EMCN: variants seen among roughly 807,000 people sequenced by gnomAD.
EMCN encodes MUC-14.
A neutral mutation model predicts 38.4 loss-of-function variants in EMCN; 37 were observed. That is an observed-to-expected ratio of 0.96 (90% CI 0.74 to 1.27). The LOEUF is 1.27. Among genes scored for constraint, EMCN ranks in the 50% most tolerant of loss-of-function variants. The probability of loss-of-function intolerance (pLI) is 0.00; values close to 1 mark genes in which losing one functional copy is unlikely to be tolerated. For synonymous variants in EMCN, 95 were observed against 100.8 expected, an observed-to-expected ratio of 0.94 and a Z score of 0.35; for missense variants, 318 against 302.8, an observed-to-expected ratio of 1.05 and a Z score of -0.37.
intron 5 of EMCN, among the ~76,000 whole-genome samples, chr4:100,444,080 G>T (rs1364484314): frequency 6.6e-6 from 1 of 152,188 alleles, no homozygotes; most frequent in Non-Finnish European, 1.5e-5. Context: ...CTGTAGCTTG[G>T]ACCTTGGTGG....
intron 4 of EMCN, among the ~76,000 whole-genome samples, chr4:100,463,195 G>C (rs1392980633): frequency 6.6e-6 from 1 of 152,100 alleles, no homozygotes; most frequent in African/African-American, 2.4e-5. Flanking sequence ...GCTTCTACTT[G>C]TCTCTCTGCC....
intron 4 of EMCN, among the ~76,000 whole-genome samples, chr4:100,460,140 T>C (rs548872350): frequency 2.6e-5 from 4 of 152,334 alleles, no homozygotes; most frequent in Non-Finnish European, 4.4e-5. Context: ...AGGTGATAAC[T>C]CATAGTGGTT....
At chr4:100,427,774 G>A (rs149857218) in intron 5 of EMCN, among the ~76,000 whole-genome samples, 2 of 152,016 alleles carry the variant, frequency 1.3e-5, no homozygotes, top group Non-Finnish European at 2.9e-5. Flanking sequence ...TTATAAATCC[G>A]GATACTTACT....
At chr4:100,501,136 G>T (rs1729340373) in intron 1 of EMCN, among the ~76,000 whole-genome samples, 1 of 152,062 alleles carries the variant, frequency 6.6e-6, no homozygotes, top group Middle Eastern at 3.4e-3. Context: ...CTGAAATAAG[G>T]TTATAAAGCT....
chr4:100,434,732 A>G (rs764024980), intron 5 of EMCN, among the ~76,000 whole-genome samples: 1 of 152,228 alleles, frequency 6.6e-6, no homozygotes, highest in Non-Finnish European at 1.5e-5. Context: ...TAAGCAAATC[A>G]ATAAATGTAA....
chr4:100,423,116 A>G (rs181461181), intron 6 of EMCN, 36 bp from the exon 7 acceptor site: 1 of 1,598,320 alleles, frequency 6.3e-7, no homozygotes, highest in East Asian at 2.2e-5. Flanking sequence ...CTTTTGGTTA[A>G]TGTGTGCCAA....
intron 11 of EMCN, among the ~76,000 whole-genome samples, chr4:100,404,017 A>T (rs1170027845): frequency 2.0e-5 from 3 of 151,806 alleles, no homozygotes; most frequent in Non-Finnish European, 2.9e-5. Context: ...CCATTTTGTA[A>T]GTCGTCTGTT....
chr4:100,400,042 A>G (rs888394089), intron 11 of EMCN, among the ~76,000 whole-genome samples: 1 of 152,072 alleles, frequency 6.6e-6, no homozygotes, highest in Non-Finnish European at 1.5e-5. Context: ...TTCATGATTT[A>G]TCTTGGGAAA....
intron 11 of EMCN, among the ~76,000 whole-genome samples, chr4:100,403,139 A>G (rs1389042511): frequency 6.6e-6 from 1 of 152,040 alleles, no homozygotes; most frequent in Non-Finnish European, 1.5e-5. Flanking sequence ...TGGGCATTGC[A>G]CGTCATAGGG....
intron 1 of EMCN, among the ~76,000 whole-genome samples, chr4:100,500,408 T>A (rs1468002358): frequency 6.6e-6 from 1 of 152,056 alleles, no homozygotes; most frequent in Non-Finnish European, 1.5e-5. Flanking sequence ...ACATAATGAA[T>A]AAATCTTAGC....
In EMCN at chr4:100,397,719, A is replaced by C. The variant is rs1351006053; in HGVS notation, c.*694T>G. ...CGTATGTCCCTTTCTGACTTATTACAAATGCCTTTCATTAGTGAGTTCATG... is the reference window on the plus strand; with the variant it reads ...CGTATGTCCCTTTCTGACTTATTACCAATGCCTTTCATTAGTGAGTTCATG... On this transcript the variant is annotated 3_prime_UTR_variant, in exon 12 of 12. Transcript: ENST00000296420. The C allele has an allele frequency of 2.0e-5, 3 of 152,142 alleles. No individual in the cohort carries two copies. Among genetic ancestry groups the C allele is most frequent in the Non-Finnish European group, 4.4e-5 (3 of 68,024 alleles). 9.4% of individuals were successfully genotyped at this position (152,142 alleles called of 1,614,324 possible).
At chr4:100,493,728 A>G (rs1047188510) in intron 1 of EMCN, among the ~76,000 whole-genome samples, 5 of 152,218 alleles carry the variant, frequency 3.3e-5, no homozygotes, top group African/African-American at 9.7e-5. Context: ...TTTTTTCCAT[A>G]TAAGTGAGTT....
At chr4:100,432,680 T>C (rs1367229711) in intron 5 of EMCN, among the ~76,000 whole-genome samples, 1 of 152,156 alleles carries the variant, frequency 6.6e-6, no homozygotes, top group African/African-American at 2.4e-5. Context: ...AATTTTCTCA[T>C]GTTAAGCATC....
chr4:100,497,773 T>C (rs1324376706), intron 1 of EMCN, among the ~76,000 whole-genome samples: 2 of 152,142 alleles, frequency 1.3e-5, no homozygotes, highest in Non-Finnish European at 2.9e-5. Context: ...TGAGAAATTA[T>C]TGCTCATGTA....
intron 1 of EMCN, among the ~76,000 whole-genome samples, chr4:100,487,919 A>G (rs1728982468): frequency 6.6e-6 from 1 of 152,210 alleles, no homozygotes; most frequent in Non-Finnish European, 1.5e-5. Context: ...GCCACTTACA[A>G]TCTTAATTTG....
chr4:100,516,536 G>A (rs2110316252), intron 1 of EMCN, among the ~76,000 whole-genome samples: 1 of 152,130 alleles, frequency 6.6e-6, no homozygotes, highest in East Asian at 1.9e-4. Context: ...AATAATTTCT[G>A]TGGTACCACA....
At chr4:100,467,603 A>G (rs1728355299) in intron 3 of EMCN, among the ~76,000 whole-genome samples, 1 of 147,350 alleles carries the variant, frequency 6.8e-6, no homozygotes, top group South Asian at 2.2e-4. Context: ...AATGGCATGA[A>G]CCCAAGAGGC....
intron 1 of EMCN, among the ~76,000 whole-genome samples, chr4:100,502,705 T>G (rs998492322): frequency 3.3e-5 from 5 of 152,234 alleles, no homozygotes; most frequent in Admixed American, 6.5e-5. Context: ...TTATTCACGA[T>G]GATTGCTACA....
At chr4:100,459,045 C>G (rs1728095804) in intron 4 of EMCN, among the ~76,000 whole-genome samples, 1 of 152,046 alleles carries the variant, frequency 6.6e-6, no homozygotes, top group African/African-American at 2.4e-5. Flanking sequence ...AAATGACTTT[C>G]CAGTGGATGG....
Sources: gnomAD v4.1 joint callset for allele counts (sites outside exome capture counted in the v4.1 genomes callset) on GRCh38, gnomAD v4.1.1 for gene constraint, MANE v1.5 for transcripts, NCBI Gene and HGNC (gene_info 2026-07-23, HGNC 2026-07-21) for gene names.